The following DLC1 variants were observed in gnomAD, a reference collection of about 807,000 sequenced individuals.
The protein encoded by DLC1 is DLC1 Rho GTPase activating protein.
In DLC1, 54 loss-of-function variants were observed where a neutral mutation model predicts 140.3. That is an observed-to-expected ratio of 0.38 (90% confidence interval 0.31 to 0.48). The LOEUF (loss-of-function observed/expected upper bound fraction) is 0.48. Among genes scored for constraint, DLC1 ranks in the 20% least tolerant of loss-of-function variants. The pLI is 0.96. For synonymous variants in DLC1, 986 were observed against 728.1 expected, an observed-to-expected ratio of 1.35 and a Z score of -5.70; for missense variants, 2,536 against 1,907.0, an observed-to-expected ratio of 1.33 and a Z score of -6.14.
chr8:13,300,368 A>G (rs1050355029), intron 5 of DLC1, among the ~76,000 whole-genome samples: 9 of 152,212 alleles, frequency 5.9e-5, no homozygotes, highest in Non-Finnish European at 5.9e-5. Flanking sequence ...AGGTGCAGCA[A>G]ACCACCATGA....
chr8:13,209,824 A>C (rs1446001304), intron 5 of DLC1, among the ~76,000 whole-genome samples: 4 of 152,164 alleles, frequency 2.6e-5, no homozygotes, highest in Admixed American at 6.6e-5. Context: ...CCTTCTCAGA[A>C]GCAGATGCTG....
At chr8:13,154,884 G>C (rs945099590) in intron 5 of DLC1, among the ~76,000 whole-genome samples, 98 of 152,076 alleles carry the variant, frequency 6.4e-4, no homozygotes, top group Non-Finnish European at 5.9e-4. Context: ...AGGTAGATAA[G>C]GGAATCCTAT....
intron 1 of DLC1, among the ~76,000 whole-genome samples, chr8:13,519,927 C>T (rs1167015134): frequency 6.6e-6 from 1 of 152,174 alleles, no homozygotes; most frequent in Non-Finnish European, 1.5e-5. Context: ...AGTGAGATAC[C>T]ATTTCATGCC....
Position 13,508,654 on chromosome 8 carries a change from G to A in DLC1, c.-126+5948C>T, listed in dbSNP as rs540079826. Among the ~76,000 whole-genome samples the A allele has an allele frequency of 4.9e-4, 74 of 152,132 alleles. 1 individual carries two copies. In the South Asian group the frequency reaches 0.015, roughly 30 times the overall value. ...AGGATGGTCTTGATCTCCTGACCTCGTGATCTGCCCACCTCGGCCTCCCAA... is the reference window on the plus strand; with the variant it reads ...AGGATGGTCTTGATCTCCTGACCTCATGATCTGCCCACCTCGGCCTCCCAA... On this transcript the variant is annotated intron_variant, in intron 1 of 17. Coordinates refer to ENST00000276297, the MANE Select transcript of DLC1 (RefSeq NM_182643.3).
chr8:13,595,657 A>C (rs1383073863), intron 1 of DLC1, among the ~76,000 whole-genome samples: 1 of 152,184 alleles, frequency 6.6e-6, no homozygotes, highest in East Asian at 1.9e-4. Flanking sequence ...GCTGGTAACT[A>C]CTAGAGATAC....
At chr8:13,408,083 TA>T (rs1389426125) in intron 2 of DLC1, among the ~76,000 whole-genome samples, 1 of 152,222 alleles carries the variant, frequency 6.6e-6, no homozygotes, top group Non-Finnish European at 1.5e-5. Flanking sequence ...CTAGGCAAGT[TA>T]AATAAGTCAG....
At chr8:13,313,274 CA>C (rs1338306659) in intron 4 of DLC1, among the ~76,000 whole-genome samples, 4 of 152,140 alleles carry the variant, frequency 2.6e-5, no homozygotes, top group Admixed American at 2.6e-4. Context: ...GCCAAGTACT[CA>C]CTACCTACAC....
At chr8:13,448,960 G>GT (rs994704639) in intron 2 of DLC1, among the ~76,000 whole-genome samples, 2 of 151,970 alleles carry the variant, frequency 1.3e-5, no homozygotes, top group East Asian at 1.9e-4. Flanking sequence ...CCCGCTATGG[G>GT]TTTTTTTAGA....
intron 5 of DLC1, among the ~76,000 whole-genome samples, chr8:13,204,105 CAG>C (rs1827538664): frequency 6.6e-6 from 1 of 152,002 alleles, no homozygotes; most frequent in South Asian, 2.1e-4. Flanking sequence ...CAAAAATGCT[CAG>C]GGGGAAAAAA....
rs1342425605 is a variant in DLC1 at position 13,100,287 on chromosome 8, G to A, written c.2050C>T (p.His684Tyr). 8 of 1,613,998 alleles carry A rather than the reference G, an allele frequency of 5.0e-6. No homozygotes were observed. The highest frequency in any genetic ancestry group is 4.0e-5 in the African/African-American group (3 of 74,946). ...AACCCCAGCTTTGAGGGCGCTTTGT[G>A]CTTGCTGTGATGGGAGCTCTTGAGC... is the stretch of plus-strand genomic sequence containing the variant. Reference protein sequence around the residue: ...LKLKSSHHSKHKAPSKLGLII... With the variant: ...LKLKSSHHSKYKAPSKLGLII... Residue 684 changes from histidine to tyrosine, a missense_variant, in exon 9 of 18, where the codon CAC becomes TAC. Transcript: ENST00000276297.
chr8:13,466,246 C>G (rs747530760), intron 2 of DLC1, among the ~76,000 whole-genome samples: 18 of 152,230 alleles, frequency 1.2e-4, no homozygotes, highest in Non-Finnish European at 2.1e-4. Flanking sequence ...CTCTTGCTAC[C>G]TACCTGCTCG....
intron 4 of DLC1, among the ~76,000 whole-genome samples, chr8:13,311,045 G>C (rs1832646890): frequency 6.6e-6 from 1 of 151,746 alleles, no homozygotes; most frequent in Non-Finnish European, 1.5e-5. Flanking sequence ...TTGATTTGTG[G>C]GTTGTATTAC....
chr8:13,117,770 A>G (rs1462069364), intron 5 of DLC1, among the ~76,000 whole-genome samples: 1 of 152,228 alleles, frequency 6.6e-6, no homozygotes, highest in Non-Finnish European at 1.5e-5. Context: ...GCAGTAGGTG[A>G]GCCCACATAC....
chr8:13,310,099 A>T (rs1447425595), intron 4 of DLC1, among the ~76,000 whole-genome samples: 1 of 152,208 alleles, frequency 6.6e-6, no homozygotes, highest in African/African-American at 2.4e-5. Context: ...ATCTCTTCAA[A>T]CAACTGGCAG....
chr8:13,488,148 A>C (rs773032394), intron 2 of DLC1, among the ~76,000 whole-genome samples: 1 of 152,210 alleles, frequency 6.6e-6, no homozygotes, highest in African/African-American at 2.4e-5. Context: ...ACCTTGTTAT[A>C]ACTGTTCAAA....
In DLC1 at chr8:13,092,572, GCTGCCCCCTGTGTGCATGCAC is replaced by G. The variant is rs1413456905; in HGVS notation, c.3740+19_3740+39del. ...ACGGAGAGTCCTAGGAAGAATGTAGGCTGCCCCCTGTGTGCATGCACCTCCCATGCAGCCCGTACCTGGGAG... is the reference window on the plus strand; with the variant it reads ...ACGGAGAGTCCTAGGAAGAATGTAGGCTCCCATGCAGCCCGTACCTGGGAG... On this transcript the variant is annotated intron_variant, in intron 13 of 17. Coordinates refer to ENST00000276297, the MANE Select transcript of DLC1 (RefSeq NM_182643.3). 1.3e-6 allele frequency: 2 copies of G among 1,580,600 alleles called. No homozygotes were observed. Among genetic ancestry groups the G allele is most frequent in the African/African-American group, 2.7e-5 (2 of 73,894 alleles).
At chr8:13,394,624 A>G (rs1023528298) in intron 3 of DLC1, among the ~76,000 whole-genome samples, 4 of 152,300 alleles carry the variant, frequency 2.6e-5, no homozygotes, top group African/African-American at 9.6e-5. Flanking sequence ...TGAGAAAACT[A>G]TGATTTAAAT....
At chr8:13,191,417 G>T (rs1159545022) in intron 5 of DLC1, among the ~76,000 whole-genome samples, 4 of 152,202 alleles carry the variant, frequency 2.6e-5, no homozygotes, top group Non-Finnish European at 5.9e-5. Flanking sequence ...TGAGGCAGAA[G>T]AATCACTTGA....
intron 2 of DLC1, among the ~76,000 whole-genome samples, chr8:13,418,949 C>G (rs1355356737): frequency 1.3e-5 from 2 of 151,656 alleles, no homozygotes; most frequent in East Asian, 1.9e-4. Flanking sequence ...AAGTTGGATT[C>G]CTAAGTATTT....
Sources: gnomAD v4.1 joint callset for allele counts (sites outside exome capture counted in the v4.1 genomes callset) on GRCh38, gnomAD v4.1.1 for gene constraint, MANE v1.5 for transcripts, NCBI Gene and HGNC (gene_info 2026-07-23, HGNC 2026-07-21) for gene names.